SAMD5: variants seen among roughly 807,000 people sequenced by gnomAD.
SAMD5 encodes the protein sterile alpha motif domain containing 5, also known as sterile alpha motif domain-containing protein 5.
Under a neutral mutation model 11.3 loss-of-function variants are expected in SAMD5, and 13 were observed. That is an observed-to-expected ratio of 1.15 (90% CI 0.75 to 1.83). SAMD5 has a LOEUF of 1.83. SAMD5 is among the 40% of genes most tolerant of loss of function. The pLI, the probability that SAMD5 is intolerant of heterozygous loss-of-function variation, is 0.00. For synonymous variants in SAMD5, 129 were observed against 111.3 expected (o/e 1.16, Z -1.00); for missense variants, 255 against 239.1 (o/e 1.07, Z -0.44).
chr6:147,871,481 T>C, the SAMD5 span, among the ~76,000 whole-genome samples: 1 of 152,150 alleles, frequency 6.6e-6, no homozygotes, highest in Non-Finnish European at 1.5e-5. Context: ...ATCTCTAAAA[T>C]GTAACCTCTT....
intron 1 of SAMD5, among the ~76,000 whole-genome samples, chr6:147,736,654 G>A (rs1374365916): frequency 6.6e-6 from 1 of 152,142 alleles, no homozygotes; most frequent in African/African-American, 2.4e-5. Context: ...CTTGGGCATT[G>A]GGGATGATAG....
chr6:147,942,112 C>T, the SAMD5 span, among the ~76,000 whole-genome samples: 4 of 152,126 alleles, frequency 2.6e-5, no homozygotes, highest in Non-Finnish European at 4.4e-5. Context: ...CTCCTGACCT[C>T]ATGATCCACC....
chr6:147,814,704 C>A, the SAMD5 span, among the ~76,000 whole-genome samples: 1 of 152,176 alleles, frequency 6.6e-6, no homozygotes, highest in Non-Finnish European at 1.5e-5. Context: ...TATTTACAGC[C>A]TTTTATTCTT....
intron 1 of SAMD5, among the ~76,000 whole-genome samples, chr6:147,700,718 T>A (rs893774803): frequency 6.6e-6 from 1 of 152,264 alleles, no homozygotes; most frequent in Non-Finnish European, 1.5e-5. Flanking sequence ...CAAAAGGACT[T>A]GGCTTTAGCC....
the SAMD5 span, among the ~76,000 whole-genome samples, chr6:147,941,356 G>A: frequency 6.6e-6 from 1 of 152,202 alleles, no homozygotes; most frequent in African/African-American, 2.4e-5. Context: ...CAGGCATGTG[G>A]TTAAAGGGAC....
chr6:147,768,125 A>G, the SAMD5 span, among the ~76,000 whole-genome samples: 1 of 152,228 alleles, frequency 6.6e-6, no homozygotes, highest in Non-Finnish European at 1.5e-5. Context: ...TGTTAAATAT[A>G]ATGCCATTTT....
At chr6:147,930,879 C>T in the SAMD5 span, among the ~76,000 whole-genome samples, 3 of 152,186 alleles carry the variant, frequency 2.0e-5, no homozygotes, top group Non-Finnish European at 2.9e-5. Context: ...TGCCTGCAGC[C>T]GATTGGATGG....
the SAMD5 span, among the ~76,000 whole-genome samples, chr6:147,943,320 G>A: frequency 6.6e-6 from 1 of 151,994 alleles, no homozygotes; most frequent in African/African-American, 2.4e-5. Context: ...TATCTTTCCT[G>A]CTCATTACAA....
intron 1 of SAMD5, among the ~76,000 whole-genome samples, chr6:147,688,551 C>G (rs1791050932): frequency 2.0e-5 from 3 of 152,128 alleles, no homozygotes; most frequent in African/African-American, 7.2e-5. Flanking sequence ...TAGCATAGAG[C>G]CTTTATTGGG....
the SAMD5 span, among the ~76,000 whole-genome samples, chr6:147,771,098 T>C: frequency 6.6e-6 from 1 of 152,316 alleles, no homozygotes. Flanking sequence ...GGTAAATGCC[T>C]TGAGGATAAA....
intron 1 of SAMD5, among the ~76,000 whole-genome samples, chr6:147,518,219 A>G (rs1270111762): frequency 2.6e-5 from 4 of 152,084 alleles, no homozygotes; most frequent in Non-Finnish European, 5.9e-5. Context: ...AGGGCTCTTC[A>G]TTTGCTGGTC....
the SAMD5 span, among the ~76,000 whole-genome samples, chr6:147,919,245 C>G: frequency 1.3e-5 from 2 of 152,140 alleles, no homozygotes; most frequent in Admixed American, 6.5e-5. Flanking sequence ...AGCCTCTGCC[C>G]CATCAAAAAT....
the SAMD5 span, among the ~76,000 whole-genome samples, chr6:147,844,321 A>G: frequency 6.6e-6 from 1 of 152,216 alleles, no homozygotes; most frequent in Admixed American, 6.5e-5. Context: ...TAGATTGGCT[A>G]TTATCAAAAA....
the SAMD5 span, among the ~76,000 whole-genome samples, chr6:147,757,095 C>T: frequency 1.3e-5 from 2 of 152,156 alleles, no homozygotes; most frequent in African/African-American, 2.4e-5. Flanking sequence ...TGCTGCTGCT[C>T]GTTGAAACAT....
At chr6:147,892,679 G>C in the SAMD5 span, among the ~76,000 whole-genome samples, 3 of 152,180 alleles carry the variant, frequency 2.0e-5, 1 homozygote, top group South Asian at 6.2e-4. Context: ...TATTCGGAGA[G>C]CTTGGAATAA....
chr6:147,566,499 A>G lies in SAMD5; in HGVS notation c.*2043A>G, dbSNP rs540347038. On this transcript the variant is annotated 3_prime_UTR_variant, in exon 2 of 2. Coordinates refer to ENST00000367474, the MANE Select transcript of SAMD5 (RefSeq NM_001030060.3). ...GTTGAACTTTGCTAGGAAGGACTCAATTTTTGAAAAATCTGTTATTTTCAC... is the reference window on the plus strand; with the variant it reads ...GTTGAACTTTGCTAGGAAGGACTCAGTTTTTGAAAAATCTGTTATTTTCAC... The G allele has an allele frequency of 5.1e-6, 5 of 985,810 alleles. No homozygotes were observed. The highest frequency in any genetic ancestry group is 4.7e-5 in the South Asian group (1 of 21,290). 61.1% of individuals were successfully genotyped at this position (985,810 alleles called of 1,614,324 possible).
chr6:147,857,670 C>A, the SAMD5 span, among the ~76,000 whole-genome samples: 1 of 152,096 alleles, frequency 6.6e-6, no homozygotes, highest in African/African-American at 2.4e-5. Context: ...ATAAACCTCA[C>A]CTTAGAATTT....
At chr6:147,716,364 C>G (rs1791466756) in intron 1 of SAMD5, among the ~76,000 whole-genome samples, 1 of 152,220 alleles carries the variant, frequency 6.6e-6, no homozygotes. Flanking sequence ...AGAGGCCAGG[C>G]AGTGGGAGCA....
At chr6:147,911,906 T>G in the SAMD5 span, among the ~76,000 whole-genome samples, 23 of 152,316 alleles carry the variant, frequency 1.5e-4, no homozygotes, top group Admixed American at 8.5e-4. Context: ...GTCTGGTGAT[T>G]GCCTGGCTAA....
Sources: allele counts gnomAD v4.1 joint callset (sites outside exome capture counted in the v4.1 genomes callset), GRCh38; gene constraint gnomAD v4.1.1; transcripts MANE v1.5; gene names NCBI Gene and HGNC (gene_info 2026-07-23, HGNC 2026-07-21).